PMM2: variants seen among roughly 807,000 people sequenced by gnomAD.
PMM2 encodes mannose-6-phosphate isomerase.
PMM2 carries 35 observed loss-of-function variants against 33.2 expected under a neutral mutation model. The ratio of observed to expected loss-of-function variants is 1.06; its 90% CI spans 0.81 to 1.40. PMM2 has a LOEUF of 1.40. Ranked by LOEUF, PMM2 falls within the 40% of genes most tolerant of loss-of-function variation. The probability of loss-of-function intolerance (pLI) is 0.00; values close to 1 mark genes in which losing one functional copy is unlikely to be tolerated. For missense variants in PMM2, 386 were observed against 306.0 expected (o/e 1.26, Z -1.95); for synonymous variants, 153 against 114.7 (o/e 1.33, Z -2.13).
At position 8,847,944 on chromosome 16, in the gene PMM2, C is replaced by G; in HGVS notation, c.*119C>G. The G allele has an allele frequency of 2.7e-6, 2 of 729,080 alleles. No individual in the cohort carries two copies. Among genetic ancestry groups the G allele is most frequent in the South Asian group, 1.5e-5 (1 of 66,434 alleles). The allele number at this position is 729,080 out of a possible 1,614,324, so 45.2% of individuals were successfully genotyped here. Reference sequence around the variant, plus strand: ...CCGCAGCCTAGGCAGGCTCTGCATGCTATGCCAGGCATGTGCAGTCTGGAC... The same window carrying G: ...CCGCAGCCTAGGCAGGCTCTGCATGGTATGCCAGGCATGTGCAGTCTGGAC... On this transcript the variant is annotated 3_prime_UTR_variant, in exon 8 of 8. Transcript: ENST00000268261.
intron 7 of PMM2, among the ~76,000 whole-genome samples, chr16:8,817,836 T>C (rs2060716483): frequency 6.6e-6 from 1 of 152,164 alleles, no homozygotes; most frequent in African/African-American, 2.4e-5. Flanking sequence ...ACATGTTGTT[T>C]TAGTTTTAGT....
chr16:8,800,334 C>G (rs2060605930), intron 1 of PMM2, among the ~76,000 whole-genome samples: 1 of 148,704 alleles, frequency 6.7e-6, no homozygotes, highest in Non-Finnish European at 1.5e-5. Context: ...GCACTCCAGC[C>G]TGGGTGACAG....
At position 8,838,911 on chromosome 16, in the gene PMM2, T is replaced by C. The variant is rs142115335; in HGVS notation, c.640-8813T>C. Among the ~76,000 whole-genome samples, 520 of 152,086 alleles carry C rather than the reference T, an allele frequency of 3.4e-3. 7 individuals carry two copies. The highest frequency in any genetic ancestry group is 0.012 in the African/African-American group (495 of 41,526). ...TCATTTAAGAATATGCAGAGTCCTC[T>C]TTTTTCAACAGTGAGTAAGCAAGGC... On this transcript the variant is annotated intron_variant, in intron 7 of 7. Transcript: ENST00000268261.
chr16:8,804,031 G>GTTTTTTGTTTTTTTTTTTTT (rs778630854), intron 2 of PMM2, among the ~76,000 whole-genome samples: 1 of 87,490 alleles, frequency 1.1e-5, no homozygotes, highest in African/African-American at 4.6e-5. Context: ...GGTTTTTTTT[G>GTTTTTTGTTTTTTTTTTTTT]TTTTTTTTTT....
intron 7 of PMM2, among the ~76,000 whole-genome samples, chr16:8,813,419 C>T (rs1256781180): frequency 2.6e-5 from 4 of 152,162 alleles, no homozygotes; most frequent in South Asian, 2.1e-4. Context: ...AAACCCTCTG[C>T]GTTTCAAAGC....
intron 7 of PMM2, among the ~76,000 whole-genome samples, chr16:8,839,879 G>GTA (rs1386722468): frequency 1.4e-5 from 2 of 139,798 alleles, no homozygotes; most frequent in African/African-American, 5.4e-5. Context: ...GGGGAGAAAG[G>GTA]AGAAAGGAGA....
At chr16:8,840,904 C>T (rs769209283) in intron 7 of PMM2, among the ~76,000 whole-genome samples, 4 of 151,992 alleles carry the variant, frequency 2.6e-5, no homozygotes, top group African/African-American at 4.8e-5. Context: ...AGCAGCCTGG[C>T]GAATTTCCTG....
At chr16:8,845,580 TTTTG>T (rs1026307053) in intron 7 of PMM2, among the ~76,000 whole-genome samples, 12 of 151,562 alleles carry the variant, frequency 7.9e-5, no homozygotes, top group Non-Finnish European at 1.2e-4. Context: ...GCCTTTGGTT[TTTTG>T]TTTGTTTTTT....
intron 1 of PMM2, among the ~76,000 whole-genome samples, chr16:8,798,817 C>T (rs1346272140): frequency 6.6e-6 from 1 of 152,188 alleles, no homozygotes; most frequent in Non-Finnish European, 1.5e-5. Context: ...TCTCACTATC[C>T]TCAGCTTCTA....
At chr16:8,806,932 G>C (rs955476443) in intron 4 of PMM2, 1 of 158,494 alleles carries the variant, frequency 6.3e-6, no homozygotes, top group African/African-American at 2.4e-5. Context: ...TTGGCCTGCA[G>C]TGTTAAAGAA....
intron 7 of PMM2, among the ~76,000 whole-genome samples, chr16:8,834,521 G>A (rs1484435919): frequency 2.0e-5 from 3 of 152,058 alleles, no homozygotes; most frequent in South Asian, 4.1e-4. Flanking sequence ...CCTGACTCGG[G>A]GCATGTTGAG....
chr16:8,818,155 G>A (rs2060718209), intron 7 of PMM2, among the ~76,000 whole-genome samples: 1 of 152,162 alleles, frequency 6.6e-6, no homozygotes, highest in Non-Finnish European at 1.5e-5. Flanking sequence ...GTCCGCCTCG[G>A]CCTCCCAAAG....
intron 7 of PMM2, among the ~76,000 whole-genome samples, chr16:8,830,816 CA>C (rs1048160419): frequency 2.5e-4 from 38 of 152,206 alleles, no homozygotes; most frequent in Admixed American, 2.2e-3. Flanking sequence ...GGGTTTATTT[CA>C]GGAAAGAGCT....
At chr16:8,832,129 G>A (rs2060813648) in intron 7 of PMM2, 1 of 985,192 alleles carries the variant, frequency 1.0e-6, no homozygotes, top group Non-Finnish European at 1.2e-6. Flanking sequence ...AGCTACTCTG[G>A]TATGCAAGCT....
intron 7 of PMM2, among the ~76,000 whole-genome samples, chr16:8,820,914 A>G (rs1004036766): frequency 6.6e-6 from 1 of 152,208 alleles, no homozygotes; most frequent in African/African-American, 2.4e-5. Flanking sequence ...CACACCTTCC[A>G]ACAGTTCATT....
At position 8,813,053 on chromosome 16, in the gene PMM2, G is replaced by A. The variant is rs547216044; in HGVS notation, c.586G>A (p.Val196Met). The A allele has an allele frequency of 2.8e-5, 45 of 1,613,688 alleles. 1 individual carries two copies. In the South Asian group the frequency reaches 4.0e-4, roughly 14 times the overall value. Residue 196 changes from valine to methionine, a missense_variant, in exon 7 of 8, where the codon GTG becomes ATG. Val to Met is a conservative substitution (Grantham distance 21). Coordinates refer to ENST00000268261, the MANE Select transcript of PMM2 (RefSeq NM_000303.3). The part of the protein sequence containing the change: ...GWDKRYCLRH[V>M]ENDGYKTIYF... ...GGACAAGAGATACTGTCTGCGACAT[G>A]TGGAAAATGACGGTTATAAGACCAT...
chr16:8,835,254 T>G (rs4465607), intron 7 of PMM2, among the ~76,000 whole-genome samples: 85,932 of 142,504 alleles, frequency 0.6, 24,511 homozygotes, highest in Middle Eastern at 0.66. Context: ...TGTTGTTTTG[T>G]AAGGGATTGA....
At chr16:8,803,569 A>T (rs890525394) in intron 2 of PMM2, among the ~76,000 whole-genome samples, 9 of 152,188 alleles carry the variant, frequency 5.9e-5, no homozygotes, top group Non-Finnish European at 1.2e-4. Context: ...CACATAGGGG[A>T]TCTGCATTTT....
At chr16:8,803,793 T>C (rs1476507767) in intron 2 of PMM2, among the ~76,000 whole-genome samples, 4 of 151,120 alleles carry the variant, frequency 2.6e-5, no homozygotes, top group Non-Finnish European at 5.9e-5. Flanking sequence ...AAGTGATTCG[T>C]GTGCCTCAGC....
Sources: allele counts gnomAD v4.1 joint callset (sites outside exome capture counted in the v4.1 genomes callset), GRCh38; gene constraint gnomAD v4.1.1; transcripts MANE v1.5; gene names NCBI Gene and HGNC (gene_info 2026-07-23, HGNC 2026-07-21).